DENND5A: variants seen among roughly 807,000 people sequenced by gnomAD.
The protein encoded by DENND5A is DENN domain-containing protein 5A.
In DENND5A, 64 loss-of-function variants were observed where a neutral mutation model predicts 140.3. The observed-to-expected ratio is 0.46, with a 90% CI of 0.37 to 0.56. The LOEUF (loss-of-function observed/expected upper bound fraction) is 0.56, where lower values mean the gene tolerates loss of function less well. Among genes scored for constraint, DENND5A ranks in the 20% least tolerant of loss-of-function variants. DENND5A has a pLI of 0.00. For synonymous variants in DENND5A, 605 were observed against 607.7 expected (o/e 1.00, Z 0.07); for missense variants, 1,292 against 1,593.8 (o/e 0.81, Z 3.22).
chr11:9,235,657 C>CA (rs1156298621), intron 1 of DENND5A, among the ~76,000 whole-genome samples: 1,687 of 93,850 alleles, frequency 0.018, 21 homozygotes, highest in African/African-American at 0.019. Context: ...GACTCTGTCT[C>CA]AAAAAAAAAA....
At chr11:9,147,773 C>T (rs922552298) in intron 15 of DENND5A, among the ~76,000 whole-genome samples, 1 of 152,212 alleles carries the variant, frequency 6.6e-6, no homozygotes, top group African/African-American at 2.4e-5. Flanking sequence ...GCCTATTCAT[C>T]AGAGGTCAAC....
Position 9,209,234 on chromosome 11 carries a change from C to G in DENND5A, c.110-1602G>C, listed in dbSNP as rs529842838. On this transcript the variant is annotated intron_variant, in intron 1 of 22. Coordinates refer to ENST00000328194, the MANE Select transcript of DENND5A (RefSeq NM_015213.4). ...GCCTTCCTAAAATGGCTCTAGGCGT[C>G]TATGGCCATAACCACCCTAAATGCG... 1.6e-4 allele frequency among the ~76,000 whole-genome samples: 25 copies of G among 152,322 alleles called. No homozygotes were observed. The South Asian group carries it at 4.8e-3, about 29-fold the overall frequency.
At position 9,265,087 on chromosome 11, in the gene DENND5A, C is replaced by G. The variant is rs1188164610; in HGVS notation, c.-18G>C. Reference sequence around the variant, plus strand: ...CCACTCATGGCGCCGGGGCCGAGACCGGCCGGGCAGTGCGGAGCGGCACCG... The same window carrying G: ...CCACTCATGGCGCCGGGGCCGAGACGGGCCGGGCAGTGCGGAGCGGCACCG... On this transcript the variant is annotated 5_prime_UTR_variant, in exon 1 of 23. Transcript: ENST00000328194. The surrounding 1 kb of genome is among the most constrained non-coding windows in gnomAD (Gnocchi z 4.7). 1 of 1,492,184 alleles carries G rather than the reference C, an allele frequency of 6.7e-7. No individual in the cohort carries two copies. The highest frequency in any genetic ancestry group is 8.9e-7 in the Non-Finnish European group (1 of 1,119,090). The allele number at this position is 1,492,184 out of a possible 1,614,324, so 92.4% of individuals were successfully genotyped here.
chr11:9,146,497 G>A (rs1266463395), intron 16 of DENND5A, among the ~76,000 whole-genome samples: 1 of 152,214 alleles, frequency 6.6e-6, no homozygotes, highest in Non-Finnish European at 1.5e-5. Context: ...TAAATAGAGA[G>A]ACTGGGACTC....
intron 8 of DENND5A, chr11:9,177,906 T>C: frequency 4.1e-6 from 2 of 488,602 alleles, no homozygotes; most frequent in Non-Finnish European, 7.3e-6. Context: ...AACCCACTGC[T>C]GATTAGGGTC....
At chr11:9,150,800 T>C in intron 13 of DENND5A, 36 bp from the exon 14 acceptor site, 1 of 1,423,800 alleles carries the variant, frequency 7.0e-7, no homozygotes, top group South Asian at 1.2e-5. Flanking sequence ...CAAAGAGATC[T>C]GAATATCCAA....
chr11:9,140,088 C>T, intron 22 of DENND5A: 1 of 1,308,816 alleles, frequency 7.6e-7, no homozygotes, highest in Non-Finnish European at 1.0e-6. Flanking sequence ...CTCCTCCTCC[C>T]CTGCCTCCCT....
chr11:9,182,900 A>C (rs1237229797), intron 5 of DENND5A, among the ~76,000 whole-genome samples: 1 of 152,208 alleles, frequency 6.6e-6, no homozygotes, highest in Non-Finnish European at 1.5e-5. Context: ...TAGCTAGAAA[A>C]GAGGATTCTG....
chr11:9,180,742 TCA>T (rs1848699155), intron 6 of DENND5A, 23 bp downstream of exon 6: 1 of 1,603,298 alleles, frequency 6.2e-7, no homozygotes, highest in African/African-American at 1.3e-5. Flanking sequence ...ATCACACGTG[TCA>T]CAGACTCATA....
At chr11:9,143,945 G>C (rs1564878676) in intron 19 of DENND5A, 152 bp downstream of exon 19, 4 of 860,604 alleles carry the variant, frequency 4.6e-6, no homozygotes, top group Non-Finnish European at 5.4e-6. Flanking sequence ...ATAAGAGAAG[G>C]GTGCCATATG....
chr11:9,229,157 T>C (rs1314211755), intron 1 of DENND5A, among the ~76,000 whole-genome samples: 2 of 152,046 alleles, frequency 1.3e-5, no homozygotes, highest in Admixed American at 1.3e-4. Flanking sequence ...ATAATAACAA[T>C]TGAATTGAAT....
chr11:9,222,590 C>A (rs529870274), intron 1 of DENND5A, among the ~76,000 whole-genome samples: 38 of 152,250 alleles, frequency 2.5e-4, no homozygotes, highest in African/African-American at 8.4e-4. Flanking sequence ...AGAGGAACTT[C>A]AGGTCTGACA....
intron 15 of DENND5A, among the ~76,000 whole-genome samples, 163 bp from the exon 16 acceptor site, chr11:9,147,314 G>T (rs1847464750): frequency 6.6e-6 from 1 of 152,122 alleles, no homozygotes; most frequent in Non-Finnish European, 1.5e-5. Context: ...TCTAACTAAG[G>T]GACAGAGGGA....
intron 22 of DENND5A, 94 bp from the exon 23 acceptor site, chr11:9,139,948 A>G: frequency 7.7e-7 from 1 of 1,304,592 alleles, no homozygotes; most frequent in Non-Finnish European, 1.1e-6. Context: ...CCATGAACTA[A>G]GTCTGAAGCT....
intron 1 of DENND5A, among the ~76,000 whole-genome samples, chr11:9,224,669 A>G (rs770249240): frequency 2.0e-5 from 3 of 151,688 alleles, no homozygotes; most frequent in African/African-American, 7.3e-5. Context: ...GACCAGCCTG[A>G]CTGACATGGT....
chr11:9,160,263 T>C (rs565898426), intron 12 of DENND5A, among the ~76,000 whole-genome samples: 86 of 152,350 alleles, frequency 5.6e-4, no homozygotes, highest in African/African-American at 2.0e-3. Flanking sequence ...CTTACTCAAC[T>C]TCCTGAGGCC....
At chr11:9,170,571 A>G in intron 9 of DENND5A, 56 bp downstream of exon 9, 1 of 1,600,700 alleles carries the variant, frequency 6.2e-7, no homozygotes, top group Admixed American at 1.7e-5. Flanking sequence ...CCCAGATACT[A>G]GATGACCCTA....
At chr11:9,181,439 A>AT (rs2136177547) in intron 5 of DENND5A, among the ~76,000 whole-genome samples, 1 of 152,322 alleles carries the variant, frequency 6.6e-6, no homozygotes, top group Non-Finnish European at 1.5e-5. Context: ...ACACTCATTA[A>AT]ATGTTTGGTA....
At chr11:9,199,360 G>A (rs946928855) in intron 4 of DENND5A, among the ~76,000 whole-genome samples, 2 of 151,914 alleles carry the variant, frequency 1.3e-5, no homozygotes, top group African/African-American at 2.4e-5. Flanking sequence ...AGCCAGACTC[G>A]GCAGTACATG....
Sources: allele counts gnomAD v4.1 joint callset (sites outside exome capture counted in the v4.1 genomes callset), GRCh38; gene constraint gnomAD v4.1.1; non-coding constraint Gnocchi (gnomAD v3.1); transcripts MANE v1.5; gene names NCBI Gene and HGNC (gene_info 2026-07-23, HGNC 2026-07-21).